The following RAD51B variants were observed in gnomAD, a reference collection of about 807,000 sequenced individuals.
RAD51B encodes DNA repair protein RAD51 homolog 2.
RAD51B carries 38 observed loss-of-function variants against 42.2 expected under a neutral mutation model. That is an observed-to-expected ratio of 0.90 (90% CI 0.70 to 1.18). The LOEUF (loss-of-function observed/expected upper bound fraction) is 1.18, where lower values mean the gene tolerates loss of function less well. RAD51B is among the 50% of genes most tolerant of loss of function. The probability of loss-of-function intolerance (pLI) is 0.00; values close to 1 mark genes in which losing one functional copy is unlikely to be tolerated. For missense variants in RAD51B, 373 were observed against 400.7 expected (o/e 0.93, Z 0.59); for synonymous variants, 154 against 145.2 (o/e 1.06, Z -0.43).
At chr14:68,167,835 G>A (rs1451486339) in intron 7 of RAD51B, among the ~76,000 whole-genome samples, 5 of 151,896 alleles carry the variant, frequency 3.3e-5, no homozygotes, top group African/African-American at 4.8e-5. Flanking sequence ...GCACTTTATA[G>A]GTACAAAGTC....
chr14:68,286,975 C>A (rs1298556040), intron 7 of RAD51B, among the ~76,000 whole-genome samples: 1 of 152,100 alleles, frequency 6.6e-6, no homozygotes, highest in Admixed American at 6.6e-5. Flanking sequence ...GGAAATAAGT[C>A]ATCTATTTTC....
At chr14:68,050,375 C>G (rs2076372735) in intron 7 of RAD51B, among the ~76,000 whole-genome samples, 1 of 152,034 alleles carries the variant, frequency 6.6e-6, no homozygotes, top group South Asian at 2.1e-4. Context: ...TCATTTTCTC[C>G]TGACTCATCA....
downstream of RAD51B, among the ~76,000 whole-genome samples, chr14:68,478,961 T>C (rs1372199923): frequency 6.6e-6 from 1 of 152,072 alleles, no homozygotes; most frequent in East Asian, 1.9e-4. Flanking sequence ...AACTATTAAC[T>C]ATAATATAAA....
At chr14:68,056,952 G>A (rs2076486068) in intron 7 of RAD51B, among the ~76,000 whole-genome samples, 1 of 151,632 alleles carries the variant, frequency 6.6e-6, no homozygotes, top group Admixed American at 6.6e-5. Context: ...AGCCCACCAT[G>A]GTAGCAGATG....
At chr14:67,994,456 G>C (rs1184137103) in intron 7 of RAD51B, among the ~76,000 whole-genome samples, 1 of 152,104 alleles carries the variant, frequency 6.6e-6, no homozygotes, top group Non-Finnish European at 1.5e-5. Flanking sequence ...TGGTTACTAT[G>C]TTTCATATTA....
intron 7 of RAD51B, among the ~76,000 whole-genome samples, chr14:68,144,500 G>A (rs556812650): frequency 1.4e-4 from 22 of 152,202 alleles, no homozygotes; most frequent in Non-Finnish European, 2.2e-4. Context: ...AGCAAAACAA[G>A]ATTAAAATCT....
chr14:68,631,580 TG>T (rs1892228574), intron 10 of RAD51B, among the ~76,000 whole-genome samples: 2 of 152,238 alleles, frequency 1.3e-5, no homozygotes, highest in East Asian at 3.8e-4. Context: ...ATCTCCCATG[TG>T]CCCGGCATAT....
chr14:67,955,981 C>G (rs1040180416), intron 7 of RAD51B, among the ~76,000 whole-genome samples: 1 of 152,176 alleles, frequency 6.6e-6, no homozygotes, highest in African/African-American at 2.4e-5. Context: ...TCCCTAGTTC[C>G]TTTCCTGAAA....
intron 8 of RAD51B, among the ~76,000 whole-genome samples, chr14:68,302,111 C>G (rs73272205): frequency 0.028 from 4,232 of 152,304 alleles, 196 homozygotes; most frequent in African/African-American, 0.095. Flanking sequence ...CTCCCACCTT[C>G]ACACAAGGGT....
intron 10 of RAD51B, among the ~76,000 whole-genome samples, chr14:68,647,139 A>C (rs1338463153): frequency 6.6e-6 from 1 of 152,252 alleles, no homozygotes; most frequent in Non-Finnish European, 1.5e-5. Flanking sequence ...TCCTCAGATC[A>C]CTGGAGGAAA....
intron 7 of RAD51B, among the ~76,000 whole-genome samples, chr14:67,943,696 A>G (rs1215734339): frequency 6.6e-6 from 1 of 152,216 alleles, no homozygotes; most frequent in Non-Finnish European, 1.5e-5. Flanking sequence ...AGTACTCAGA[A>G]CACTATTTGA....
chr14:68,602,506 CTAGATAGA>C (rs752180767), intron 10 of RAD51B, among the ~76,000 whole-genome samples: 2,746 of 148,998 alleles, frequency 0.018, 32 homozygotes, highest in Non-Finnish European at 0.029. Context: ...GGATGGATAG[CTAGATAGA>C]TAGCTAGCTA....
At chr14:68,668,570 G>C (rs923390083) in intron 11 of RAD51B, among the ~76,000 whole-genome samples, 1 of 152,218 alleles carries the variant, frequency 6.6e-6, no homozygotes, top group African/African-American at 2.4e-5. Context: ...CAATCTTGAA[G>C]CCACATTTCA....
At chr14:67,855,171 TACAGGCATGAACCACCGCGCCTGGCCAG>T (rs2041947586) in intron 4 of RAD51B, among the ~76,000 whole-genome samples, 1 of 151,984 alleles carries the variant, frequency 6.6e-6, no homozygotes, top group African/African-American at 2.4e-5. Context: ...GTGCTGGGAT[TACAGGCATGAACCACCGCGCCTGGCCAG>T]CATCTTAGTT....
intron 7 of RAD51B, among the ~76,000 whole-genome samples, chr14:67,943,203 A>G (rs989271437): frequency 6.6e-6 from 1 of 152,182 alleles, no homozygotes; most frequent in Admixed American, 6.5e-5. Context: ...ATAGTGTTAG[A>G]TTAAGTTCTT....
intron 7 of RAD51B, among the ~76,000 whole-genome samples, chr14:68,025,926 TGTTA>T (rs1417970281): frequency 3.9e-5 from 6 of 152,066 alleles, no homozygotes; most frequent in Non-Finnish European, 8.8e-5. Flanking sequence ...GTGTTTTTTC[TGTTA>T]GTTGTAAAGT....
chr14:67,842,714 A>C (rs2041470387), intron 4 of RAD51B, among the ~76,000 whole-genome samples: 1 of 152,128 alleles, frequency 6.6e-6, no homozygotes. Context: ...GACTTCCTGT[A>C]CTATGTTGAA....
intron 10 of RAD51B, among the ~76,000 whole-genome samples, chr14:68,498,065 T>C (rs556381952): frequency 3.9e-5 from 6 of 152,228 alleles, no homozygotes; most frequent in Non-Finnish European, 8.8e-5. Flanking sequence ...GATTCTATGT[T>C]TAACTTTTTG....
chr14:68,166,068 T>C (rs2078743133), intron 7 of RAD51B, among the ~76,000 whole-genome samples: 1 of 151,994 alleles, frequency 6.6e-6, no homozygotes, highest in South Asian at 2.1e-4. Context: ...ATGGTGATGA[T>C]AGTATAGGGG....
Sources: gnomAD v4.1 joint callset for allele counts (sites outside exome capture counted in the v4.1 genomes callset) on GRCh38, gnomAD v4.1.1 for gene constraint, MANE v1.5 for transcripts, NCBI Gene and HGNC (gene_info 2026-07-23, HGNC 2026-07-21) for gene names.